The following BLTP2 variants were observed in gnomAD, a reference collection of about 807,000 sequenced individuals.
The protein encoded by BLTP2 is U937-associated antigen.
At chr17:28,639,508 C>T in the BLTP2 span, 1 of 1,613,584 alleles carries the variant, frequency 6.2e-7, no homozygotes, top group Non-Finnish European at 8.5e-7. Context: ...ATTTCACAAA[C>T]TCAAAACGAA....
the BLTP2 span, among the ~76,000 whole-genome samples, chr17:28,641,423 C>T: frequency 6.6e-6 from 1 of 152,066 alleles, no homozygotes; most frequent in Admixed American, 6.6e-5. Flanking sequence ...TGGCGGATCA[C>T]GAGGTCAGGA....
At chr17:28,632,062 A>G in the BLTP2 span, 3 of 1,612,938 alleles carry the variant, frequency 1.9e-6, no homozygotes, top group Non-Finnish European at 2.5e-6. Flanking sequence ...CAGCTGGGGA[A>G]AGAGGGCTGT....
the BLTP2 span, chr17:28,635,855 T>G: frequency 2.3e-6 from 1 of 433,404 alleles, no homozygotes; most frequent in Non-Finnish European, 4.1e-6. Flanking sequence ...GGATTCTAAA[T>G]TGTCTGAAAA....
chr17:28,633,345 A>G, the BLTP2 span: 4 of 1,614,012 alleles, frequency 2.5e-6, no homozygotes, highest in Non-Finnish European at 2.5e-6. Context: ...CAGGTTTCCA[A>G]TGAAAAGACA....
chr17:28,623,615 C>G, the BLTP2 span: 7 of 663,630 alleles, frequency 1.1e-5, no homozygotes, highest in Non-Finnish European at 1.8e-5. Context: ...GCTTCCAGAC[C>G]AGAGATTGCC....
At chr17:28,639,536 T>C in the BLTP2 span, 9 of 1,612,958 alleles carry the variant, frequency 5.6e-6, no homozygotes, top group South Asian at 3.3e-5. Flanking sequence ...AGCGGGAGAA[T>C]AGAGAAAGGA....
At chr17:28,615,827 A>C in the BLTP2 span, 1 of 1,612,476 alleles carries the variant, frequency 6.2e-7, no homozygotes. Context: ...GGGAAAGAAA[A>C]AAAGAGGGGT....
the BLTP2 span, among the ~76,000 whole-genome samples, chr17:28,637,655 A>G: frequency 6.6e-6 from 1 of 152,152 alleles, no homozygotes; most frequent in Non-Finnish European, 1.5e-5. Context: ...TACACACTTC[A>G]GTATATTTAT....
chr17:28,633,122 T>C, the BLTP2 span: 2 of 1,587,734 alleles, frequency 1.3e-6, no homozygotes, highest in Non-Finnish European at 1.7e-6. Flanking sequence ...TCCAGTGTCA[T>C]GCAGAGGTCA....
At chr17:28,616,409 C>T in the BLTP2 span, 2 of 1,614,154 alleles carry the variant, frequency 1.2e-6, no homozygotes, top group South Asian at 2.2e-5. This position sits in a 1 kb window ranked among gnomAD's most constrained non-coding sequence, Gnocchi z 4.8. Context: ...ACCTTCTGAC[C>T]CCAGAACTCC....
the BLTP2 span, among the ~76,000 whole-genome samples, chr17:28,644,351 T>G: frequency 6.6e-6 from 1 of 152,260 alleles, no homozygotes; most frequent in Admixed American, 6.5e-5. Flanking sequence ...TCAGCCACGC[T>G]GATCAAGATC....
chr17:28,639,679 T>G, the BLTP2 span: 1 of 1,593,182 alleles, frequency 6.3e-7, no homozygotes, highest in Non-Finnish European at 8.6e-7. Context: ...AGGAGAGCAC[T>G]GGAAGGGCAA....
chr17:28,639,623 C>G, the BLTP2 span: 5 of 1,614,066 alleles, frequency 3.1e-6, no homozygotes, highest in Non-Finnish European at 4.2e-6. Context: ...GTTGGCGACT[C>G]TGGGACAACA....
At chr17:28,638,224 G>C in the BLTP2 span, 1 of 1,606,118 alleles carries the variant, frequency 6.2e-7, no homozygotes, top group Non-Finnish European at 8.5e-7. Context: ...AGCTGTGCAG[G>C]CCCCTATTCA....
At chr17:28,625,228 T>A in the BLTP2 span, among the ~76,000 whole-genome samples, 1 of 144,920 alleles carries the variant, frequency 6.9e-6, no homozygotes, top group East Asian at 2.0e-4. Context: ...CCCAGCTACT[T>A]GGGAGGCTGA....
chr17:28,630,005 G>A, the BLTP2 span, among the ~76,000 whole-genome samples: 1 of 152,068 alleles, frequency 6.6e-6, no homozygotes, highest in Non-Finnish European at 1.5e-5. Context: ...AGGACTACAG[G>A]TGCATGCCAC....
the BLTP2 span, chr17:28,642,283 C>T: frequency 6.2e-7 from 1 of 1,614,154 alleles, no homozygotes; most frequent in South Asian, 1.1e-5. Flanking sequence ...ACCAGCTGAC[C>T]ACTCTTTAGA....
At chr17:28,621,336 G>A in the BLTP2 span, 1 of 1,466,136 alleles carries the variant, frequency 6.8e-7, no homozygotes. Context: ...GTAGGGAAAT[G>A]AGGTCCCTTT....
At chr17:28,635,201 G>C in the BLTP2 span, 1 of 1,613,920 alleles carries the variant, frequency 6.2e-7, no homozygotes, top group Non-Finnish European at 8.5e-7. Flanking sequence ...ATCTCTTCCA[G>C]CTCAGGTAGC....
Sources: allele counts gnomAD v4.1 joint callset (sites outside exome capture counted in the v4.1 genomes callset), GRCh38; gene constraint gnomAD v4.1.1; non-coding constraint Gnocchi (gnomAD v3.1); transcripts MANE v1.5; gene names NCBI Gene and HGNC (gene_info 2026-07-23, HGNC 2026-07-21).